The following NDC80 variants were observed in gnomAD, a reference collection of about 807,000 sequenced individuals.
NDC80 encodes the protein kinetochore protein NDC80 homolog.
A neutral mutation model predicts 89.3 loss-of-function variants in NDC80; 69 were observed. The ratio of observed to expected loss-of-function variants is 0.77; its 90% CI spans 0.64 to 0.94. The LOEUF (loss-of-function observed/expected upper bound fraction) is 0.94, where lower values mean the gene tolerates loss of function less well. NDC80 is among the 40% of genes least tolerant of loss of function. The pLI, the probability that NDC80 is intolerant of heterozygous loss-of-function variation, is 0.00. For synonymous variants in NDC80, 243 were observed against 255.6 expected, an observed-to-expected ratio of 0.95 and a Z score of 0.47; for missense variants, 593 against 739.6, an observed-to-expected ratio of 0.80 and a Z score of 2.30.
At chr18:2,585,672 A>G (rs895067390) in intron 7 of NDC80, among the ~76,000 whole-genome samples, 6 of 151,766 alleles carry the variant, frequency 4.0e-5, no homozygotes, top group African/African-American at 1.2e-4. Context: ...AACATTATAA[A>G]TTTGTTTTTT....
At chr18:2,588,512 A>G (rs2072612761) in intron 8 of NDC80, among the ~76,000 whole-genome samples, 1 of 151,682 alleles carries the variant, frequency 6.6e-6, no homozygotes, top group South Asian at 2.1e-4. Flanking sequence ...CATTCTTTCT[A>G]TTGAAATAGT....
At chr18:2,615,730 G>A (rs2072780941) in intron 16 of NDC80, among the ~76,000 whole-genome samples, 2 of 152,090 alleles carry the variant, frequency 1.3e-5, no homozygotes. Flanking sequence ...ATTCATTCTA[G>A]AATACTATGC....
intron 6 of NDC80, among the ~76,000 whole-genome samples, chr18:2,580,781 G>A (rs1016680589): frequency 1.2e-4 from 13 of 106,244 alleles, no homozygotes; most frequent in Admixed American, 6.3e-4. Flanking sequence ...TCACTCTGTC[G>A]CCTGGGCTGG....
chr18:2,589,076 T>C, intron 8 of NDC80, 128 bp from the exon 9 acceptor site: 1 of 658,948 alleles, frequency 1.5e-6, no homozygotes. Context: ...AAGGATGGGA[T>C]GTACTTCACT....
chr18:2,585,007 C>A, intron 6 of NDC80, 106 bp from the exon 7 acceptor site: 1 of 741,554 alleles, frequency 1.3e-6, no homozygotes, highest in Non-Finnish European at 2.3e-6. Flanking sequence ...TTTAGTTACA[C>A]AATAATGTAA....
At position 2,578,153 on chromosome 18, in the gene NDC80, TC is replaced by T; in HGVS notation, c.476+13del. ...TTTAAAGACCTTGGGTATGTATATT[TC>T]TTATTAGTTTAGAGACATGACTGGC... On this transcript the variant is annotated intron_variant, in intron 5 of 16. Transcript: ENST00000261597. 1 of 1,608,188 alleles carries T rather than the reference TC, an allele frequency of 6.2e-7. No homozygotes were observed. Among genetic ancestry groups the T allele is most frequent in the Non-Finnish European group, 8.5e-7 (1 of 1,177,546 alleles).
At position 2,589,207 on chromosome 18, in the gene NDC80, A is replaced by T. The variant is rs775339947; in HGVS notation, c.767A>T (p.Asp256Val). 1 of 1,607,496 alleles carries T rather than the reference A, an allele frequency of 6.2e-7. No homozygotes were observed. Among genetic ancestry groups the T allele is most frequent in the South Asian group, 1.1e-5 (1 of 90,824 alleles). ...MNAELQSKLK[D>V]LFNVDAFKLE... ...AGCTTTTGGATTTTGTCTCCAGAGG[A>T]TTTATTTAATGTGGATGCTTTTAAG... Residue 256 changes from aspartate (D) to valine (V), a missense_variant, in exon 9 of 17, where the codon GAT becomes GTT. Transcript: ENST00000261597.
At chr18:2,598,528 A>G (rs1170697354) in intron 11 of NDC80, among the ~76,000 whole-genome samples, 1 of 152,226 alleles carries the variant, frequency 6.6e-6, no homozygotes, top group Non-Finnish European at 1.5e-5. Context: ...TGAAGGAAGA[A>G]GGAAGGAGAG....
At position 2,608,690 on chromosome 18, in the gene NDC80, A is replaced by C. The variant is rs2072727679; in HGVS notation, c.1558-10A>C. 1 of 1,609,904 alleles carries C rather than the reference A, an allele frequency of 6.2e-7. No homozygotes were observed. Among genetic ancestry groups the C allele is most frequent in the Non-Finnish European group, 8.5e-7 (1 of 1,176,884 alleles). Reference sequence around the variant, plus strand: ...TCAAGAAACCCATAACCGTGACTTTATCCTGATAGGAAGCAGAGGAAGAGG... The same window carrying C: ...TCAAGAAACCCATAACCGTGACTTTCTCCTGATAGGAAGCAGAGGAAGAGG... On this transcript the variant is annotated splice_polypyrimidine_tract_variant and intron_variant, in intron 14 of 16. Transcript: ENST00000261597.
At chr18:2,576,942 C>T (rs1414102469) in intron 3 of NDC80, among the ~76,000 whole-genome samples, 2 of 152,120 alleles carry the variant, frequency 1.3e-5, no homozygotes, top group Non-Finnish European at 2.9e-5. Flanking sequence ...AAGTACTTGT[C>T]ACCTTTTAAA....
rs529188899 is a variant in NDC80 at position 2,601,087 on chromosome 18, CA to C, written c.1375-301del. On this transcript the variant is annotated intron_variant, in intron 12 of 16. Coordinates refer to ENST00000261597, the MANE Select transcript of NDC80 (RefSeq NM_006101.3). Reference sequence around the variant, plus strand: ...ATACAACCTACATATGAATTGTTTTCAAAAAAAATACTGCAGTAAACTAAGT... The same window carrying C: ...ATACAACCTACATATGAATTGTTTTCAAAAAAATACTGCAGTAAACTAAGT... Among the ~76,000 whole-genome samples, 27 of 151,486 alleles carry C rather than the reference CA, an allele frequency of 1.8e-4. No homozygotes were observed. In the East Asian group the frequency reaches 3.1e-3, roughly 17 times the overall value.
At chr18:2,579,628 T>C (rs1461068957) in intron 6 of NDC80, among the ~76,000 whole-genome samples, 4 of 152,062 alleles carry the variant, frequency 2.6e-5, no homozygotes, top group Admixed American at 6.6e-5. Context: ...GGTTCCACCA[T>C]GTTAGCCAGG....
intron 3 of NDC80, among the ~76,000 whole-genome samples, chr18:2,576,865 C>T (rs1056297171): frequency 9.2e-5 from 14 of 152,148 alleles, no homozygotes. Flanking sequence ...GTTGTTGTCT[C>T]ACCAAAACAA....
chr18:2,600,524 G>A (rs184758639), intron 12 of NDC80, among the ~76,000 whole-genome samples: 1,967 of 151,872 alleles, frequency 0.013, 50 homozygotes, highest in Admixed American at 0.071. Context: ...CAGAGGAATC[G>A]CTTGAACCCG....
rs150556638 is a variant in NDC80, at chr18:2,603,692, A to G, written c.1464+2207A>G. 5.4e-4 allele frequency among the ~76,000 whole-genome samples: 82 copies of G among 152,272 alleles called. No homozygotes were observed. The East Asian group carries it at 9.1e-3, about 17-fold the overall frequency. ...AAATTTATTTGAATTATGAAGTAAT[A>G]TAGTATAAACAGAAATTTATGTTTA... On this transcript the variant is annotated intron_variant, in intron 13 of 16. Transcript: ENST00000261597.
At chr18:2,594,266 A>G (rs935010603) in intron 10 of NDC80, 24 of 152,782 alleles carry the variant, frequency 1.6e-4, no homozygotes, top group African/African-American at 5.3e-4. Context: ...ACTAGAAGTA[A>G]CAAGTGTACT....
Position 2,608,826 on chromosome 18 carries a change from C to A in NDC80, c.1684C>A (p.Arg562=). ...TATGAATGAATTAGATGCTGTTCAG[C>A]GGGAGTAAGTTTATCTCACCAAGAT... The part of the protein sequence containing the change: ...EAMNELDAVQ[R]EYQLVVQTTT... Residue 562 remains arginine (R), a synonymous_variant, in exon 15 of 17, where the codon CGG becomes AGG. Coordinates refer to ENST00000261597, the MANE Select transcript of NDC80 (RefSeq NM_006101.3). 6 of 1,601,830 alleles carry A rather than the reference C, an allele frequency of 3.7e-6. No individual in the cohort carries two copies. Among genetic ancestry groups the A allele is most frequent in the Non-Finnish European group, 5.1e-6 (6 of 1,171,044 alleles).
At chr18:2,590,185 G>C in intron 10 of NDC80, 23 bp downstream of exon 10, 1 of 1,546,110 alleles carries the variant, frequency 6.5e-7, no homozygotes, top group East Asian at 2.4e-5. Context: ...AATGCTAAAA[G>C]ACTGGGATGC....
rs755639703 is a variant in NDC80, at chr18:2,610,875, G to A, written c.1791+14G>A. On this transcript the variant is annotated intron_variant, in intron 16 of 16. Coordinates refer to ENST00000261597, the MANE Select transcript of NDC80 (RefSeq NM_006101.3). ...GGGTCTGTAGAGGTAAGTATGTGATGGTCTTTCCTACGTTCTAAGAAAGGT... is the reference window on the plus strand; with the variant it reads ...GGGTCTGTAGAGGTAAGTATGTGATAGTCTTTCCTACGTTCTAAGAAAGGT... 16 of 1,422,690 alleles carry A rather than the reference G, an allele frequency of 1.1e-5. No homozygotes were observed. The East Asian group carries it at 4.0e-4, about 35-fold the overall frequency. The allele number at this position is 1,422,690 out of a possible 1,614,324, so 88.1% of individuals were successfully genotyped here.
Sources: gnomAD v4.1 joint callset for allele counts (sites outside exome capture counted in the v4.1 genomes callset) on GRCh38, gnomAD v4.1.1 for gene constraint, MANE v1.5 for transcripts, NCBI Gene and HGNC (gene_info 2026-07-23, HGNC 2026-07-21) for gene names.